FOXP1: variants seen among roughly 807,000 people sequenced by gnomAD.
FOXP1 encodes forkhead box P1.
In FOXP1, 15 loss-of-function variants were observed where a neutral mutation model predicts 98.2. The observed-to-expected ratio is 0.15, with a 90% CI of 0.10 to 0.24. The LOEUF (loss-of-function observed/expected upper bound fraction) is 0.24. Ranked by LOEUF, FOXP1 falls within the 10% of genes least tolerant of loss-of-function variation. The pLI is 1.00. For missense variants in FOXP1, 633 were observed against 848.5 expected, an observed-to-expected ratio of 0.75 and a Z score of 3.15; for synonymous variants, 371 against 314.5, an observed-to-expected ratio of 1.18 and a Z score of -1.90.
chr3:71,551,720 G>T (rs1461553718), intron 2 of FOXP1, among the ~76,000 whole-genome samples: 1 of 152,180 alleles, frequency 6.6e-6, no homozygotes, highest in Non-Finnish European at 1.5e-5. Flanking sequence ...TTGCCACATA[G>T]GTGGGAGTGG....
In FOXP1 at chr3:71,306,011, G is replaced by A. The variant is rs143591680; in HGVS notation, c.-72-6131C>T. The A allele has an allele frequency of 7.6e-3, 1,156 of 152,604 alleles. 31 individuals carry two copies. Among genetic ancestry groups the A allele is most frequent in the Non-Finnish European group, 4.7e-3 (322 of 68,046 alleles). The allele number at this position is 152,604 out of a possible 1,614,324, so 9.5% of individuals were successfully genotyped here. On this transcript the variant is annotated intron_variant, in intron 4 of 20. Transcript: ENST00000649528. ...TGGCTCTCAGGGCTCCCAGGCTGGC[G>A]GCAGTGTGAGGAAGGACTGAAGGTA...
chr3:71,024,162 A>G (rs1199668690), intron 11 of FOXP1, among the ~76,000 whole-genome samples: 2 of 152,204 alleles, frequency 1.3e-5, no homozygotes, highest in African/African-American at 4.8e-5. Flanking sequence ...ACCTGCCCAA[A>G]GACGAGCAGA....
chr3:71,120,759 T>A (rs1285064980), intron 6 of FOXP1, among the ~76,000 whole-genome samples: 2 of 152,188 alleles, frequency 1.3e-5, no homozygotes, highest in African/African-American at 4.8e-5. Context: ...GACCACTTTA[T>A]CACCCCACAC....
In FOXP1 at chr3:70,959,130, G is replaced by T; in HGVS notation, c.*117C>A. 1 of 1,213,954 alleles carries T rather than the reference G, an allele frequency of 8.2e-7. No homozygotes were observed. Among genetic ancestry groups the T allele is most frequent in the Non-Finnish European group, 1.2e-6 (1 of 833,100 alleles). The allele number at this position is 1,213,954 out of a possible 1,614,324, so 75.2% of individuals were successfully genotyped here. Reference sequence around the variant, plus strand: ...CACATTTCAGAGTTGTCAAAACGTAGTGAAAATCCTCCAGACTGTACAACA... The same window carrying T: ...CACATTTCAGAGTTGTCAAAACGTATTGAAAATCCTCCAGACTGTACAACA... On this transcript the variant is annotated 3_prime_UTR_variant, in exon 21 of 21. Coordinates refer to ENST00000649528, the MANE Select transcript of FOXP1 (RefSeq NM_001349338.3).
At chr3:71,429,109 T>G (rs2084437697) in intron 3 of FOXP1, among the ~76,000 whole-genome samples, 1 of 151,738 alleles carries the variant, frequency 6.6e-6, no homozygotes, top group African/African-American at 2.4e-5. Context: ...GACGAGAAGG[T>G]GGATGGGAGT....
chr3:71,439,879 G>A (rs1327754360), intron 3 of FOXP1, among the ~76,000 whole-genome samples: 2 of 151,918 alleles, frequency 1.3e-5, no homozygotes, highest in South Asian at 2.1e-4. Flanking sequence ...CCAGGAGATG[G>A]GGGTTTCATT....
chr3:71,553,080 A>C (rs2045888378), intron 2 of FOXP1, among the ~76,000 whole-genome samples: 1 of 152,108 alleles, frequency 6.6e-6, no homozygotes, highest in Non-Finnish European at 1.5e-5. Context: ...TTCAAATGTC[A>C]GTATTTCTGG....
chr3:71,556,167 A>T (rs1237207505), intron 2 of FOXP1, among the ~76,000 whole-genome samples: 1 of 152,198 alleles, frequency 6.6e-6, no homozygotes, highest in African/African-American at 2.4e-5. Context: ...CCCTGTATAT[A>T]ATACAAATAG....
intron 3 of FOXP1, among the ~76,000 whole-genome samples, chr3:71,370,765 T>C (rs2079241352): frequency 6.6e-6 from 1 of 151,786 alleles, no homozygotes; most frequent in Non-Finnish European, 1.5e-5. Context: ...TACAAGCACA[T>C]TGCTAGGTCC....
At chr3:71,265,415 G>A (rs912764434) in intron 5 of FOXP1, among the ~76,000 whole-genome samples, 2 of 152,190 alleles carry the variant, frequency 1.3e-5, no homozygotes, top group Non-Finnish European at 2.9e-5. Flanking sequence ...CCTTGGTAGT[G>A]AACTCTGAGG....
chr3:71,365,863 G>T (rs1279142970), intron 3 of FOXP1, among the ~76,000 whole-genome samples: 1 of 152,100 alleles, frequency 6.6e-6, no homozygotes, highest in African/African-American at 2.4e-5. Context: ...TGTGCCTCTA[G>T]TCCCAGCTAC....
At chr3:71,166,376 A>G (rs1165055012) in intron 6 of FOXP1, among the ~76,000 whole-genome samples, 1 of 152,220 alleles carries the variant, frequency 6.6e-6, no homozygotes. Flanking sequence ...TCTTCCAAAG[A>G]TTCACGCAGT....
At chr3:71,559,993 T>G (rs927956760) in intron 2 of FOXP1, among the ~76,000 whole-genome samples, 1 of 152,122 alleles carries the variant, frequency 6.6e-6, no homozygotes, top group Non-Finnish European at 1.5e-5. Context: ...GTAGCCATCT[T>G]CCTACAAAGA....
intron 6 of FOXP1, among the ~76,000 whole-genome samples, chr3:71,137,142 T>G (rs2059857147): frequency 6.6e-6 from 1 of 152,220 alleles, no homozygotes; most frequent in South Asian, 2.1e-4. Flanking sequence ...CAGACACGCC[T>G]AGCGGCCTCT....
At chr3:71,126,598 G>A (rs922123226) in intron 6 of FOXP1, among the ~76,000 whole-genome samples, 21 of 152,116 alleles carry the variant, frequency 1.4e-4, no homozygotes, top group Middle Eastern at 3.4e-3. Flanking sequence ...CCGAGGCAGG[G>A]AGACCGCTTG....
intron 13 of FOXP1, among the ~76,000 whole-genome samples, chr3:70,999,149 G>T (rs2041795114): frequency 6.6e-6 from 1 of 152,068 alleles, no homozygotes; most frequent in South Asian, 2.1e-4. Context: ...GAGTGCAGTG[G>T]CGCGACCTTG....
At chr3:71,292,146 G>A (rs1279562672) in intron 5 of FOXP1, among the ~76,000 whole-genome samples, 5 of 151,946 alleles carry the variant, frequency 3.3e-5, no homozygotes. Flanking sequence ...TGTATTTTAG[G>A]ATATTTCCTC....
intron 12 of FOXP1, among the ~76,000 whole-genome samples, chr3:71,004,140 G>C (rs956626020): frequency 6.6e-6 from 1 of 152,020 alleles, no homozygotes; most frequent in Non-Finnish European, 1.5e-5. Flanking sequence ...TGCAAGAATG[G>C]AGAATTCAAA....
intron 5 of FOXP1, among the ~76,000 whole-genome samples, chr3:71,264,692 A>G (rs555143948): frequency 2.6e-5 from 4 of 152,198 alleles, no homozygotes; most frequent in Non-Finnish European, 5.9e-5. Flanking sequence ...TTCCAAACAC[A>G]AAACTCTCCA....
Sources: gnomAD v4.1 joint callset for allele counts (sites outside exome capture counted in the v4.1 genomes callset) on GRCh38, gnomAD v4.1.1 for gene constraint, MANE v1.5 for transcripts, NCBI Gene and HGNC (gene_info 2026-07-23, HGNC 2026-07-21) for gene names.